The following EXOC6 variants were observed in gnomAD, a reference collection of about 807,000 sequenced individuals.
EXOC6 encodes SEC15-like 1.
A neutral mutation model predicts 112.5 loss-of-function variants in EXOC6; 60 were observed. The ratio of observed to expected loss-of-function variants is 0.53; its 90% CI spans 0.43 to 0.66. The LOEUF is 0.66. Ranked by LOEUF, EXOC6 falls within the 30% of genes least tolerant of loss-of-function variation. The pLI, the probability that EXOC6 is intolerant of heterozygous loss-of-function variation, is 0.00. For missense variants in EXOC6, 855 were observed against 957.1 expected (o/e 0.89, Z 1.41); for synonymous variants, 295 against 308.0 (o/e 0.96, Z 0.44).
At chr10:92,905,824 T>TG (rs745788900) in intron 5 of EXOC6, among the ~76,000 whole-genome samples, 58 of 152,124 alleles carry the variant, frequency 3.8e-4, no homozygotes, top group Non-Finnish European at 7.5e-4. Context: ...AGTTGTTGGA[T>TG]GAAGTATTCT....
chr10:93,033,551 G>A (rs183733549), intron 20 of EXOC6, among the ~76,000 whole-genome samples: 4 of 152,038 alleles, frequency 2.6e-5, no homozygotes, highest in South Asian at 2.1e-4. Flanking sequence ...TCATTTTCTC[G>A]TGGCCCTGGC....
intron 1 of EXOC6, among the ~76,000 whole-genome samples, chr10:92,838,131 A>T (rs1383489195): frequency 5.3e-5 from 8 of 152,204 alleles, no homozygotes; most frequent in Admixed American, 2.6e-4. Context: ...GTGTAATTCA[A>T]GGGTAACTGA....
chr10:92,829,321 G>A (rs771724109), intron 1 of EXOC6, among the ~76,000 whole-genome samples: 2 of 152,132 alleles, frequency 1.3e-5, no homozygotes, highest in Non-Finnish European at 2.9e-5. Context: ...TATAAAATCC[G>A]ATGCACTCCC....
chr10:92,829,012 T>C (rs750891898), intron 1 of EXOC6, among the ~76,000 whole-genome samples: 133 of 152,262 alleles, frequency 8.7e-4, no homozygotes, highest in Middle Eastern at 3.4e-3. Context: ...AAAATCGAGT[T>C]ACAGATGTAG....
chr10:92,831,654 T>G (rs1332355939), upstream of EXOC6, among the ~76,000 whole-genome samples: 1 of 152,052 alleles, frequency 6.6e-6, no homozygotes, highest in Non-Finnish European at 1.5e-5. Context: ...AGGTTGGTCT[T>G]CAACTCCTGA....
chr10:92,926,563 T>A (rs950034926), intron 8 of EXOC6, among the ~76,000 whole-genome samples: 7 of 151,956 alleles, frequency 4.6e-5, no homozygotes, highest in African/African-American at 1.7e-4. Context: ...AGATGAGGTC[T>A]TACTCTGTTG....
intron 1 of EXOC6, among the ~76,000 whole-genome samples, chr10:92,869,173 T>C (rs1366267852): frequency 6.6e-6 from 1 of 152,116 alleles, no homozygotes; most frequent in Non-Finnish European, 1.5e-5. Flanking sequence ...GGCTAATTTT[T>C]AAAATTTTTT....
intron 12 of EXOC6, among the ~76,000 whole-genome samples, chr10:92,937,799 AATAGTAATTTTGG>A (rs1237249885): frequency 1.3e-5 from 2 of 152,306 alleles, no homozygotes; most frequent in African/African-American, 4.8e-5. Flanking sequence ...GAGCAAAAGT[AATAGTAATTTTGG>A]ATAGTAATTT....
At chr10:93,019,072 T>G (rs1041933788) in intron 20 of EXOC6, among the ~76,000 whole-genome samples, 12 of 152,092 alleles carry the variant, frequency 7.9e-5, no homozygotes, top group African/African-American at 2.9e-4. Context: ...TATTATTTTA[T>G]TTTTAAATGT....
chr10:92,905,138 A>G (rs1850373312), intron 5 of EXOC6, among the ~76,000 whole-genome samples: 2 of 151,960 alleles, frequency 1.3e-5, no homozygotes, highest in Admixed American at 6.6e-5. Flanking sequence ...CTACTTGTTA[A>G]TCTTTTCACC....
At position 92,893,487 on chromosome 10, in the gene EXOC6, C is replaced by CCTTAAAG; in HGVS notation, c.241_247dup (p.Val83AlafsTer2). ...GTTTTGTAGATGCTATTACAGAACT[C>CCTTAAAG]CTTAAAGTAAGGACTGATGCAGAAA... On this transcript the variant is annotated frameshift_variant, in exon 2 of 22. Transcript: ENST00000260762. LOFTEE classifies it high-confidence loss of function. The CCTTAAAG allele has an allele frequency of 6.2e-7, 1 of 1,608,998 alleles. No homozygotes were observed. The highest frequency in any genetic ancestry group is 8.5e-7 in the Non-Finnish European group (1 of 1,177,788).
exon 1 of EXOC6, chr10:92,834,809 T>C (rs753208323): frequency 8.1e-6 from 13 of 1,606,832 alleles, no homozygotes; most frequent in African/African-American, 1.3e-5. Context: ...GAACTGCCTG[T>C]TGAAGCTACT....
chr10:93,059,421 G>A lies in EXOC6; in HGVS notation c.*1066G>A, dbSNP rs1002140565. 1 of 152,104 alleles carries A rather than the reference G, an allele frequency of 6.6e-6. No individual in the cohort carries two copies. The highest frequency in any genetic ancestry group is 1.5e-5 in the Non-Finnish European group (1 of 68,016). 9.4% of individuals were successfully genotyped at this position (152,104 alleles called of 1,614,324 possible). A position where few individuals can be genotyped will look rare whatever the true frequency, so the allele number is the denominator to read the frequency against. ...CTATGCCTGATTCTGTAAAATAAGT[G>A]TAAAGAATTATATGTACATCTCTGG... is the stretch of plus-strand genomic sequence containing the variant. On this transcript the variant is annotated 3_prime_UTR_variant, in exon 22 of 22. Transcript: ENST00000260762.
intron 19 of EXOC6, among the ~76,000 whole-genome samples, chr10:93,011,265 A>G (rs1564908759): frequency 6.8e-6 from 1 of 148,052 alleles, no homozygotes; most frequent in African/African-American, 2.5e-5. Context: ...GGTCCTAAGT[A>G]TTTTTTTTTA....
intron 17 of EXOC6, among the ~76,000 whole-genome samples, chr10:92,971,118 C>G (rs1208997300): frequency 6.6e-6 from 1 of 152,194 alleles, no homozygotes; most frequent in Non-Finnish European, 1.5e-5. Flanking sequence ...GTGGCGCGAT[C>G]TCGGCTCATT....
chr10:93,044,299 A>G (rs1845911436), intron 20 of EXOC6, among the ~76,000 whole-genome samples: 2 of 152,234 alleles, frequency 1.3e-5, no homozygotes, highest in Non-Finnish European at 2.9e-5. Context: ...TTAATATATT[A>G]TCTAGCATAA....
At chr10:92,953,319 T>C (rs1011632319) in intron 15 of EXOC6, among the ~76,000 whole-genome samples, 1 of 152,122 alleles carries the variant, frequency 6.6e-6, no homozygotes, top group Admixed American at 6.6e-5. Flanking sequence ...CCTCAAGCAA[T>C]CCACCCACCT....
chr10:92,975,164 C>A (rs10882134), intron 18 of EXOC6, among the ~76,000 whole-genome samples: 176 of 150,588 alleles, frequency 1.2e-3, no homozygotes, highest in African/African-American at 4.2e-3. Context: ...AAGTGAGGAG[C>A]GTCTCTGCCT....
chr10:93,022,040 G>C (rs758304499), intron 20 of EXOC6, among the ~76,000 whole-genome samples: 11 of 152,122 alleles, frequency 7.2e-5, no homozygotes, highest in Non-Finnish European at 1.6e-4. Context: ...CTGACCCCAC[G>C]TACTTCCTTC....
Sources: allele counts gnomAD v4.1 joint callset (sites outside exome capture counted in the v4.1 genomes callset), GRCh38; gene constraint gnomAD v4.1.1; transcripts MANE v1.5; gene names NCBI Gene and HGNC (gene_info 2026-07-23, HGNC 2026-07-21).